GRB14: variants seen among roughly 807,000 people sequenced by gnomAD.
GRB14 encodes the protein growth factor receptor bound protein 14, also known as growth factor receptor-bound protein 14.
GRB14 carries 38 observed loss-of-function variants against 69.1 expected under a neutral mutation model. The observed-to-expected ratio is 0.55, with a 90% confidence interval of 0.42 to 0.72. The LOEUF (loss-of-function observed/expected upper bound fraction) is 0.72, where lower values mean the gene tolerates loss of function less well. GRB14 is among the 30% of genes least tolerant of loss of function. The pLI is 0.00. For missense variants in GRB14, 666 were observed against 666.1 expected (o/e 1.00, Z 0.00); for synonymous variants, 247 against 241.3 (o/e 1.02, Z -0.22).
intron 2 of GRB14, among the ~76,000 whole-genome samples, chr2:164,552,920 G>A (rs1688582238): frequency 6.6e-6 from 1 of 152,168 alleles, no homozygotes. Flanking sequence ...GAGAACAAGA[G>A]GAACCAACTC....
chr2:164,579,611 AGTCTCTGGAGAGAACC>A (rs1018996433), intron 2 of GRB14, among the ~76,000 whole-genome samples: 6 of 152,156 alleles, frequency 3.9e-5, no homozygotes, highest in African/African-American at 1.4e-4. Flanking sequence ...GGGGGAAATG[AGTCTCTGGAGAGAACC>A]CACATAGACA....
chr2:164,545,019 T>C (rs949957530), intron 3 of GRB14, among the ~76,000 whole-genome samples: 1 of 152,210 alleles, frequency 6.6e-6, no homozygotes, highest in Non-Finnish European at 1.5e-5. Flanking sequence ...GAACCTTTCA[T>C]TGGCACATTG....
rs773160276 is a variant in GRB14, at chr2:164,494,468, C to T, written c.1439G>A (p.Ser480Asn). 5 of 1,601,808 alleles carry T rather than the reference C, an allele frequency of 3.1e-6. No homozygotes were observed. In the Admixed American group the frequency reaches 8.3e-5, roughly 27 times the overall value. ...SNPKTFVLSMSHGQKIKHFQI... is the reference protein window; with the variant it reads ...SNPKTFVLSMNHGQKIKHFQI... ...AAAGTGCTTTATTTTTTGTCCATGACTCATTGACAGTACGAAAGTTTTGGG... is the reference window on the plus strand; with the variant it reads ...AAAGTGCTTTATTTTTTGTCCATGATTCATTGACAGTACGAAAGTTTTGGG... Residue 480 changes from serine to asparagine, a missense_variant, in exon 13 of 14, where the codon AGT (serine) becomes AAT (asparagine). By Grantham distance (46) the Ser-to-Asn change is conservative. Coordinates refer to ENST00000263915, the MANE Select transcript of GRB14 (RefSeq NM_004490.3).
intron 3 of GRB14, among the ~76,000 whole-genome samples, chr2:164,545,708 C>T (rs2105308284): frequency 6.6e-6 from 1 of 152,268 alleles, no homozygotes; most frequent in Middle Eastern, 3.4e-3. Flanking sequence ...TTCAAAGAAT[C>T]GAATGACACT....
At chr2:164,552,651 T>A (rs1454098801) in intron 2 of GRB14, among the ~76,000 whole-genome samples, 1 of 152,188 alleles carries the variant, frequency 6.6e-6, no homozygotes, top group Non-Finnish European at 1.5e-5. Context: ...AATCAGATGC[T>A]ATTCTCTCTG....
chr2:164,592,237 C>G (rs1461313810), intron 2 of GRB14, among the ~76,000 whole-genome samples: 1 of 152,060 alleles, frequency 6.6e-6, no homozygotes, highest in East Asian at 1.9e-4. Flanking sequence ...CGGGTTCACG[C>G]CATTCTCCCG....
At chr2:164,522,438 T>G (rs1289829905) in intron 5 of GRB14, among the ~76,000 whole-genome samples, 3 of 152,148 alleles carry the variant, frequency 2.0e-5, no homozygotes, top group Admixed American at 1.3e-4. Context: ...TAAGTGATAG[T>G]ACATAGTTAT....
At chr2:164,599,340 G>A (rs745647539) in intron 2 of GRB14, among the ~76,000 whole-genome samples, 4 of 152,138 alleles carry the variant, frequency 2.6e-5, no homozygotes, top group Non-Finnish European at 5.9e-5. Context: ...CCTTCCAAGA[G>A]GATAGGACAT....
chr2:164,590,234 G>A (rs1166203247), intron 2 of GRB14, among the ~76,000 whole-genome samples: 1 of 152,132 alleles, frequency 6.6e-6, no homozygotes, highest in Non-Finnish European at 1.5e-5. Context: ...ATATTCTCTA[G>A]TTTGAGTGTT....
At chr2:164,496,447 C>T (rs776351807) in intron 12 of GRB14, among the ~76,000 whole-genome samples, 1 of 152,012 alleles carries the variant, frequency 6.6e-6, no homozygotes, top group Admixed American at 6.6e-5. Flanking sequence ...TAAAAGACAA[C>T]ATGAGAAACA....
At chr2:164,570,275 TAAAAAA>T (rs35918859) in intron 2 of GRB14, among the ~76,000 whole-genome samples, 1 of 57,210 alleles carries the variant, frequency 1.7e-5, no homozygotes, top group African/African-American at 6.7e-5. Context: ...AGACTCCATC[TAAAAAA>T]AAAAAAAAAA....
Position 164,547,706 on chromosome 2 carries a change from A to T in GRB14, c.435T>A (p.Asp145Glu). ...GCTCAAAAAGGGTCCAGCTGTGGTC[A>T]TCAATGTAATGATTCTTCAGGATCA... ...QLLILKNHYIDDHSWTLFEHL... is the reference protein window; with the variant it reads ...QLLILKNHYIEDHSWTLFEHL... Residue 145 changes from aspartate to glutamate, a missense_variant, in exon 3 of 14, where the codon GAT becomes GAA. Transcript: ENST00000263915. 18 of 1,613,894 alleles carry T rather than the reference A, an allele frequency of 1.1e-5. No homozygotes were observed. The highest frequency in any genetic ancestry group is 1.5e-5 in the Non-Finnish European group (18 of 1,179,830).
At chr2:164,525,494 G>A (rs1268441231) in intron 4 of GRB14, among the ~76,000 whole-genome samples, 1 of 152,098 alleles carries the variant, frequency 6.6e-6, no homozygotes, top group African/African-American at 2.4e-5. Context: ...CCACAGCACA[G>A]TGGAGGTCAG....
chr2:164,616,223 G>C (rs1690289048), intron 2 of GRB14, among the ~76,000 whole-genome samples: 1 of 151,952 alleles, frequency 6.6e-6, no homozygotes, highest in Non-Finnish European at 1.5e-5. Context: ...AGGAGATGGA[G>C]ATCATCCTGG....
intron 3 of GRB14, among the ~76,000 whole-genome samples, chr2:164,540,740 T>C (rs1169653069): frequency 6.6e-6 from 1 of 152,186 alleles, no homozygotes; most frequent in East Asian, 1.9e-4. Flanking sequence ...TTGTTTCCTG[T>C]CTCTCTCCCA....
intron 2 of GRB14, among the ~76,000 whole-genome samples, chr2:164,614,470 G>T (rs1690238462): frequency 6.6e-6 from 1 of 152,094 alleles, no homozygotes; most frequent in Admixed American, 6.6e-5. Context: ...ATTATGAATG[G>T]TTTTAGACGA....
chr2:164,542,288 T>A (rs979918603), intron 3 of GRB14, among the ~76,000 whole-genome samples: 2 of 152,128 alleles, frequency 1.3e-5, no homozygotes, highest in African/African-American at 4.8e-5. Context: ...CAGGACGGAT[T>A]AAAGATTTAA....
intron 2 of GRB14, among the ~76,000 whole-genome samples, chr2:164,576,665 G>T (rs1689259564): frequency 6.6e-6 from 1 of 151,466 alleles, no homozygotes; most frequent in Admixed American, 6.6e-5. Context: ...ATCTCATACT[G>T]CTAAAACAAT....
chr2:164,560,457 T>C (rs1688793520), intron 2 of GRB14, among the ~76,000 whole-genome samples: 1 of 152,212 alleles, frequency 6.6e-6, no homozygotes. Flanking sequence ...GCAACCTTGT[T>C]AAAACTATGG....
Sources: gnomAD v4.1 joint callset for allele counts (sites outside exome capture counted in the v4.1 genomes callset) on GRCh38, gnomAD v4.1.1 for gene constraint, MANE v1.5 for transcripts, NCBI Gene and HGNC (gene_info 2026-07-23, HGNC 2026-07-21) for gene names.